SV2B: variants seen among roughly 807,000 people sequenced by gnomAD.
SV2B encodes solute carrier family 22 member B2.
In SV2B, 41 loss-of-function variants were observed where a neutral mutation model predicts 73.9. The observed-to-expected ratio is 0.56, with a 90% CI of 0.43 to 0.72. The LOEUF is 0.72. Among genes scored for constraint, SV2B ranks in the 30% least tolerant of loss-of-function variants. SV2B has a pLI of 0.00. For synonymous variants in SV2B, 314 were observed against 314.2 expected, an observed-to-expected ratio of 1.00 and a Z score of 0.01; for missense variants, 764 against 857.8, an observed-to-expected ratio of 0.89 and a Z score of 1.37.
intron 1 of SV2B, among the ~76,000 whole-genome samples, chr15:91,149,113 T>C (rs746631154): frequency 2.6e-5 from 4 of 152,234 alleles, no homozygotes; most frequent in South Asian, 2.1e-4. Context: ...TTGAAAAATA[T>C]AGACTGGTCC....
At position 91,265,079 on chromosome 15, in the gene SV2B, G is replaced by A. The variant is rs2141673596; in HGVS notation, c.1009-1503G>A. On this transcript the variant is annotated intron_variant, in intron 6 of 12. Transcript: ENST00000394232. This position sits in a 1 kb window ranked among gnomAD's most constrained non-coding sequence, Gnocchi z 4.2. ...ACCTTAGAGAGCCAGCCTGTGGTTG[G>A]CGGTCAGGGGCGGGTACTCAGCCCA... Among the ~76,000 whole-genome samples the A allele has an allele frequency of 6.6e-6, 1 of 152,330 alleles. No individual in the cohort carries two copies. The highest frequency in any genetic ancestry group is 1.9e-4 in the East Asian group (1 of 5,188).
chr15:91,168,611 C>T (rs1213259949), intron 1 of SV2B, among the ~76,000 whole-genome samples: 2 of 152,072 alleles, frequency 1.3e-5, no homozygotes, highest in Non-Finnish European at 2.9e-5. Context: ...TCTGTGCCTG[C>T]TGTGTAGTTC....
rs1233939296 is a variant in SV2B at position 91,223,311 on chromosome 15, C to G, written c.-391-2562C>G. The stretch of plus-strand genomic sequence containing the variant: ...CTATAGGGACACAATTCAGCCAGTA[C>G]CATTGAAAATGATTAATAGTTGTGT... On this transcript the variant is annotated intron_variant, in intron 1 of 12. Transcript: ENST00000394232. This position sits in a 1 kb window ranked among gnomAD's most constrained non-coding sequence, Gnocchi z 4.6. Among the ~76,000 whole-genome samples the G allele has an allele frequency of 1.3e-5, 2 of 152,146 alleles. No homozygotes were observed. The highest frequency in any genetic ancestry group is 2.9e-5 in the Non-Finnish European group (2 of 68,034).
chr15:91,221,906 A>G (rs2046232278), intron 1 of SV2B, among the ~76,000 whole-genome samples: 1 of 152,188 alleles, frequency 6.6e-6, no homozygotes, highest in Non-Finnish European at 1.5e-5. Context: ...AACCCTGAGC[A>G]GGGTATTCAG....
intron 1 of SV2B, among the ~76,000 whole-genome samples, chr15:91,194,984 T>G (rs1414121839): frequency 7.3e-6 from 1 of 137,610 alleles, no homozygotes; most frequent in Non-Finnish European, 1.5e-5. Flanking sequence ...AGAATGAAGA[T>G]GAAGGCATGG....
intron 9 of SV2B, among the ~76,000 whole-genome samples, chr15:91,271,215 C>T (rs2048308735): frequency 6.9e-6 from 1 of 145,700 alleles, no homozygotes; most frequent in Admixed American, 6.8e-5. Flanking sequence ...TTATGGATGA[C>T]TAGATGCCTC....
In SV2B at chr15:91,258,627, C is replaced by A; in HGVS notation, c.918+73C>A. The A allele has an allele frequency of 6.2e-7, 1 of 1,600,376 alleles. No individual in the cohort carries two copies. Among genetic ancestry groups the A allele is most frequent in the South Asian group, 1.1e-5 (1 of 88,786 alleles). ...GGAACCCAGCCTCGCTTCCTTCTCT[C>A]AGCTCCTAGTCCCACATCCTCTGCT... On this transcript the variant is annotated intron_variant, in intron 5 of 12. Coordinates refer to ENST00000394232, the MANE Select transcript of SV2B (RefSeq NM_001323032.3). The surrounding 1 kb of genome is among the most constrained non-coding windows in gnomAD (Gnocchi z 4.7).
intron 5 of SV2B, among the ~76,000 whole-genome samples, chr15:91,259,054 T>C (rs573971281): frequency 3.9e-4 from 60 of 151,910 alleles, no homozygotes; most frequent in African/African-American, 1.4e-3. Flanking sequence ...CATGGTTGTG[T>C]CACTGCACTC....
In SV2B at chr15:91,268,425, G is replaced by A; in HGVS notation, c.1209-16G>A. On this transcript the variant is annotated splice_polypyrimidine_tract_variant and intron_variant, in intron 8 of 12. Coordinates refer to ENST00000394232, the MANE Select transcript of SV2B (RefSeq NM_001323032.3). This position sits in a 1 kb window ranked among gnomAD's most constrained non-coding sequence, Gnocchi z 4.4. ...AATCCTGTTGTTGTTGCAACCTTCT[G>A]CCTTCTCCACTCCAGTTACTATGGA... 6.2e-7 allele frequency: 1 copy of A among 1,605,224 alleles called. No individual in the cohort carries two copies.
chr15:91,139,957 G>A lies in SV2B; in HGVS notation c.-392+39594G>A, dbSNP rs2042953171. Among the ~76,000 whole-genome samples, 1 of 152,200 alleles carries A rather than the reference G, an allele frequency of 6.6e-6. No homozygotes were observed. Among genetic ancestry groups the A allele is most frequent in the African/African-American group, 2.4e-5 (1 of 41,442 alleles). ...GCCTGCGTCTCAGCCCAGATCATTTGGAAATTGGGCTCATGCTCTGGGTCA... is the reference window on the plus strand; with the variant it reads ...GCCTGCGTCTCAGCCCAGATCATTTAGAAATTGGGCTCATGCTCTGGGTCA... On this transcript the variant is annotated intron_variant, in intron 1 of 12. Coordinates refer to ENST00000394232, the MANE Select transcript of SV2B (RefSeq NM_001323032.3). The surrounding 1 kb of genome is among the most constrained non-coding windows in gnomAD (Gnocchi z 5.2).
Position 91,265,081 on chromosome 15 carries a change from G to A in SV2B, c.1009-1501G>A, listed in dbSNP as rs1432606112. 1.3e-5 allele frequency among the ~76,000 whole-genome samples: 2 copies of A among 152,196 alleles called. No homozygotes were observed. Among genetic ancestry groups the A allele is most frequent in the Non-Finnish European group, 2.9e-5 (2 of 68,038 alleles). Reference sequence around the variant, plus strand: ...CTTAGAGAGCCAGCCTGTGGTTGGCGGTCAGGGGCGGGTACTCAGCCCAGC... The same window carrying A: ...CTTAGAGAGCCAGCCTGTGGTTGGCAGTCAGGGGCGGGTACTCAGCCCAGC... On this transcript the variant is annotated intron_variant, in intron 6 of 12. Transcript: ENST00000394232. This position sits in a 1 kb window ranked among gnomAD's most constrained non-coding sequence, Gnocchi z 4.2.
Position 91,281,884 on chromosome 15 carries a change from T to A in SV2B, c.1507+23T>A. 1 of 1,590,582 alleles carries A rather than the reference T, an allele frequency of 6.3e-7. No homozygotes were observed. Among genetic ancestry groups the A allele is most frequent in the Non-Finnish European group, 8.6e-7 (1 of 1,164,518 alleles). On this transcript the variant is annotated intron_variant, in intron 10 of 12. Coordinates refer to ENST00000394232, the MANE Select transcript of SV2B (RefSeq NM_001323032.3). This position sits in a 1 kb window ranked among gnomAD's most constrained non-coding sequence, Gnocchi z 4.7. ...CAGGTAGGTAAGAACATTGACAGAT[T>A]GAATAGAAAGTAACAGGAGACAACT... is the stretch of plus-strand genomic sequence containing the variant.
At position 91,289,824 on chromosome 15, in the gene SV2B, C is replaced by A; in HGVS notation, c.1868+144C>A. ...AACAAACATCTTTTATGTTGAGCTT[C>A]TCCTGCATGGTGGATGGCATAGACC... On this transcript the variant is annotated intron_variant, in intron 12 of 12. Transcript: ENST00000394232. The surrounding 1 kb of genome is among the most constrained non-coding windows in gnomAD (Gnocchi z 4.9). 1.0e-6 allele frequency: 1 copy of A among 1,003,994 alleles called. No homozygotes were observed. Among genetic ancestry groups the A allele is most frequent in the Non-Finnish European group, 1.4e-6 (1 of 700,874 alleles). 62.2% of individuals were successfully genotyped at this position (1,003,994 alleles called of 1,614,324 possible).
rs1354448473 is a variant in SV2B, at chr15:91,229,896, T to C, written c.451+3182T>C. The stretch of plus-strand genomic sequence containing the variant: ...AGCTGGCGAAAAGGCTGTTTATGTT[T>C]GAGTGCTGCTAACTCAGTTCTGTCT... On this transcript the variant is annotated intron_variant, in intron 2 of 12. Coordinates refer to ENST00000394232, the MANE Select transcript of SV2B (RefSeq NM_001323032.3). The surrounding 1 kb of genome is among the most constrained non-coding windows in gnomAD (Gnocchi z 4.3). Among the ~76,000 whole-genome samples the C allele has an allele frequency of 6.6e-6, 1 of 152,194 alleles. No homozygotes were observed. Among genetic ancestry groups the C allele is most frequent in the Non-Finnish European group, 1.5e-5 (1 of 68,032 alleles).
intron 1 of SV2B, among the ~76,000 whole-genome samples, chr15:91,127,763 A>G (rs770426740): frequency 1.3e-4 from 20 of 152,140 alleles, no homozygotes; most frequent in Non-Finnish European, 2.8e-4. Context: ...GAGCTTCAGC[A>G]TGCTGCCTCC....
At chr15:91,126,509 G>A (rs1288535268) in intron 1 of SV2B, among the ~76,000 whole-genome samples, 1 of 152,206 alleles carries the variant, frequency 6.6e-6, no homozygotes, top group African/African-American at 2.4e-5. Context: ...GTAAGAGTCA[G>A]ACCCTGGACT....
At position 91,139,380 on chromosome 15, in the gene SV2B, AC is replaced by A. The variant is rs2042936371; in HGVS notation, c.-392+39019del. Among the ~76,000 whole-genome samples, 1 of 152,110 alleles carries A rather than the reference AC, an allele frequency of 6.6e-6. No homozygotes were observed. The highest frequency in any genetic ancestry group is 1.9e-4 in the East Asian group (1 of 5,198). On this transcript the variant is annotated intron_variant, in intron 1 of 12. Coordinates refer to ENST00000394232, the MANE Select transcript of SV2B (RefSeq NM_001323032.3). The surrounding 1 kb of genome is among the most constrained non-coding windows in gnomAD (Gnocchi z 5.2). ...AAGAAGTAAGGGAAACTTCCAAGGA[AC>A]CTCTCTCTAACCCTAAATAACAACA...
In SV2B at chr15:91,209,463, T is replaced by G. The variant is rs1307298396; in HGVS notation, c.-391-16410T>G. On this transcript the variant is annotated intron_variant, in intron 1 of 12. Transcript: ENST00000394232. ...ATGGCTTAAGCAGAGTTTTCGAGTG[T>G]TGACATTATTTGGAATCTTTCCTTG... Among the ~76,000 whole-genome samples the G allele has an allele frequency of 2.6e-5, 4 of 152,172 alleles. No individual in the cohort carries two copies. The East Asian group carries it at 7.7e-4, about 29-fold the overall frequency.
intron 1 of SV2B, among the ~76,000 whole-genome samples, chr15:91,145,355 T>C (rs528290860): frequency 6.6e-6 from 1 of 152,364 alleles, no homozygotes; most frequent in Non-Finnish European, 1.5e-5. Context: ...TTCCATGGTG[T>C]ACATGTACCA....
Sources: gnomAD v4.1 joint callset for allele counts (sites outside exome capture counted in the v4.1 genomes callset) on GRCh38, gnomAD v4.1.1 for gene constraint, Gnocchi (gnomAD v3.1) non-coding constraint, MANE v1.5 for transcripts, NCBI Gene and HGNC (gene_info 2026-07-23, HGNC 2026-07-21) for gene names.